NFIA: variants seen among roughly 807,000 people sequenced by gnomAD.
The protein encoded by NFIA is nuclear factor 1 A-type.
A neutral mutation model predicts 62.8 loss-of-function variants in NFIA; 8 were observed. The ratio of observed to expected loss-of-function variants is 0.13; its 90% confidence interval spans 0.07 to 0.23. NFIA has a LOEUF of 0.23. NFIA is among the 10% of genes least tolerant of loss of function. The pLI, the probability that NFIA is intolerant of heterozygous loss-of-function variation, is 1.00. For synonymous variants in NFIA, 235 were observed against 238.1 expected, an observed-to-expected ratio of 0.99 and a Z score of 0.12; for missense variants, 410 against 642.1, an observed-to-expected ratio of 0.64 and a Z score of 3.91.
At chr1:61,191,565 TTTG>T (rs756580698) in intron 2 of NFIA, among the ~76,000 whole-genome samples, 5 of 152,230 alleles carry the variant, frequency 3.3e-5, no homozygotes, top group Non-Finnish European at 5.9e-5. Flanking sequence ...GCTGAAGGTT[TTTG>T]TTTCCATCAG....
intron 2 of NFIA, among the ~76,000 whole-genome samples, chr1:61,091,107 C>T (rs1646312154): frequency 6.6e-6 from 1 of 152,208 alleles, no homozygotes; most frequent in Non-Finnish European, 1.5e-5. Context: ...ATGCCAAAAC[C>T]ATTGTGGCCT....
At chr1:61,219,369 T>A (rs1415041197) in intron 2 of NFIA, among the ~76,000 whole-genome samples, 2 of 152,184 alleles carry the variant, frequency 1.3e-5, no homozygotes, top group East Asian at 3.9e-4. Context: ...ATAAGGAGTC[T>A]AGTTAGGCTT....
At chr1:61,328,596 T>A (rs189339039) in intron 3 of NFIA, among the ~76,000 whole-genome samples, 21 of 152,084 alleles carry the variant, frequency 1.4e-4, no homozygotes, top group Non-Finnish European at 2.5e-4. Flanking sequence ...TAATTTTGTA[T>A]TTTTAGTAGA....
chr1:61,131,976 C>T (rs1647089527), intron 2 of NFIA, among the ~76,000 whole-genome samples: 1 of 152,116 alleles, frequency 6.6e-6, no homozygotes, highest in African/African-American at 2.4e-5. Context: ...GTGACTTGTT[C>T]CTACTCCTGG....
chr1:61,174,195 G>A (rs896373575), intron 2 of NFIA, among the ~76,000 whole-genome samples: 1 of 152,136 alleles, frequency 6.6e-6, no homozygotes, highest in Non-Finnish European at 1.5e-5. Context: ...TGGAGAGGTC[G>A]GCGGCTAAAT....
intron 10 of NFIA, 75 bp downstream of exon 10, chr1:61,426,631 C>T: frequency 1.4e-6 from 1 of 700,554 alleles, no homozygotes; most frequent in Non-Finnish European, 2.4e-6. Flanking sequence ...TTGTCTTTTG[C>T]ACAAAAGGCC....
chr1:61,446,103 A>G (rs953607223), intron 10 of NFIA, among the ~76,000 whole-genome samples: 1 of 152,230 alleles, frequency 6.6e-6, no homozygotes, highest in Non-Finnish European at 1.5e-5. Flanking sequence ...GCATAGCAAC[A>G]GGATCTTGTA....
chr1:61,163,891 G>T (rs751843001), intron 2 of NFIA, among the ~76,000 whole-genome samples: 15 of 152,198 alleles, frequency 9.9e-5, no homozygotes, highest in Admixed American at 1.3e-4. Context: ...ATGAGTCCCA[G>T]TTGAGGCCCC....
chr1:61,191,252 T>C (rs1651595579), intron 2 of NFIA, among the ~76,000 whole-genome samples: 1 of 152,202 alleles, frequency 6.6e-6, no homozygotes, highest in African/African-American at 2.4e-5. Context: ...GTCTCTGCTT[T>C]CTTTTAAGGA....
At chr1:61,208,282 A>AT (rs1314456291) in intron 2 of NFIA, among the ~76,000 whole-genome samples, 4 of 151,942 alleles carry the variant, frequency 2.6e-5, no homozygotes, top group Admixed American at 6.6e-5. Flanking sequence ...CAGTTTTATC[A>AT]TTTTTTCTGC....
chr1:61,216,951 G>C (rs915042845), intron 2 of NFIA, among the ~76,000 whole-genome samples: 1 of 151,648 alleles, frequency 6.6e-6, no homozygotes, highest in African/African-American at 2.4e-5. Flanking sequence ...AGTGAACCAA[G>C]ATCACGCCAT....
Position 61,461,729 on chromosome 1 carries a change from CTT to C in NFIA, c.*6411_*6412del, listed in dbSNP as rs1668538435. The C allele has an allele frequency of 6.6e-6, 1 of 152,174 alleles. No individual in the cohort carries two copies. Among genetic ancestry groups the C allele is most frequent in the Non-Finnish European group, 1.5e-5 (1 of 68,042 alleles). 9.4% of individuals were successfully genotyped at this position (152,174 alleles called of 1,614,324 possible). Reference sequence around the variant, plus strand: ...CGCCTATTTGATTCAGAAAAATAAACTTTCCCAAAATGTGTCTGAACCACAAG... The same window carrying C: ...CGCCTATTTGATTCAGAAAAATAAACTCCCAAAATGTGTCTGAACCACAAG... On this transcript the variant is annotated 3_prime_UTR_variant, in exon 11 of 11. Coordinates refer to ENST00000403491, the MANE Select transcript of NFIA (RefSeq NM_001134673.4).
At chr1:61,315,136 G>A (rs768970312) in intron 3 of NFIA, among the ~76,000 whole-genome samples, 36 of 152,122 alleles carry the variant, frequency 2.4e-4, no homozygotes, top group Non-Finnish European at 4.1e-4. Flanking sequence ...TTTTTCTAAC[G>A]ATTTACTGTA....
chr1:61,441,388 C>A lies in NFIA; in HGVS notation c.1513-13915C>A, dbSNP rs564416792. 4.7e-5 allele frequency among the ~76,000 whole-genome samples: 7 copies of A among 149,922 alleles called. No homozygotes were observed. The South Asian group carries it at 1.5e-3, about 32-fold the overall frequency. Reference sequence around the variant, plus strand: ...TGCTTCCGTCTATGCTCCTGGACAGCTTTTTTTTGCATATTTTCCTATCTT... The same window carrying A: ...TGCTTCCGTCTATGCTCCTGGACAGATTTTTTTTGCATATTTTCCTATCTT... On this transcript the variant is annotated intron_variant, in intron 10 of 10. Transcript: ENST00000403491.
At position 61,462,504 on chromosome 1, in the gene NFIA, A is replaced by T; in HGVS notation, c.*7184A>T. The T allele has an allele frequency of 6.6e-6, 1 of 152,222 alleles. No individual in the cohort carries two copies. Among genetic ancestry groups the T allele is most frequent in the East Asian group, 1.9e-4 (1 of 5,196 alleles). The allele number at this position is 152,222 out of a possible 1,614,324, so 9.4% of individuals were successfully genotyped here. A position where few individuals can be genotyped will look rare whatever the true frequency, so the allele number is the denominator to read the frequency against. The stretch of plus-strand genomic sequence containing the variant: ...ATAACTTGGTCTGAAATCTGTTTTT[A>T]TGAGCCGGGCCCCCTGTGCCTCTAG... On this transcript the variant is annotated 3_prime_UTR_variant, in exon 11 of 11. Transcript: ENST00000403491.
In NFIA at chr1:61,235,565, C is replaced by G. The variant is rs1415122947; in HGVS notation, c.560-41955C>G. Reference sequence around the variant, plus strand: ...GTTTGGTGGCCCATGCCTGTAATCCCAACACTTTGGAAGGCTGAAGTGGGA... The same window carrying G: ...GTTTGGTGGCCCATGCCTGTAATCCGAACACTTTGGAAGGCTGAAGTGGGA... On this transcript the variant is annotated intron_variant, in intron 2 of 10. Coordinates refer to ENST00000403491, the MANE Select transcript of NFIA (RefSeq NM_001134673.4). Among the ~76,000 whole-genome samples, 6 of 150,480 alleles carry G rather than the reference C, an allele frequency of 4.0e-5. No homozygotes were observed. The East Asian group carries it at 1.2e-3, about 29-fold the overall frequency.
At chr1:61,189,758 A>C (rs1557624959) in intron 2 of NFIA, among the ~76,000 whole-genome samples, 2 of 152,190 alleles carry the variant, frequency 1.3e-5, no homozygotes, top group Admixed American at 6.5e-5. Context: ...GTGTTTTACT[A>C]TGCAGACTCA....
intron 10 of NFIA, among the ~76,000 whole-genome samples, chr1:61,438,784 A>C (rs144746782): frequency 0.021 from 3,211 of 152,196 alleles, 50 homozygotes; most frequent in Non-Finnish European, 0.032. Flanking sequence ...CAAGTTGTGA[A>C]CCTAGGAGCA....
chr1:61,221,634 TGAAA>T (rs1346040252), intron 2 of NFIA, among the ~76,000 whole-genome samples: 2 of 152,266 alleles, frequency 1.3e-5, no homozygotes, highest in Admixed American at 6.5e-5. Context: ...ATTGGCATCC[TGAAA>T]GAGTTAATAT....
Sources: gnomAD v4.1 joint callset for allele counts (sites outside exome capture counted in the v4.1 genomes callset) on GRCh38, gnomAD v4.1.1 for gene constraint, MANE v1.5 for transcripts, NCBI Gene and HGNC (gene_info 2026-07-23, HGNC 2026-07-21) for gene names.